The following NMNAT3 variants were observed in gnomAD, a reference collection of about 807,000 sequenced individuals.
The protein encoded by NMNAT3 is nicotinamide/nicotinic acid mononucleotide adenylyltransferase 3.
A neutral mutation model predicts 24.8 loss-of-function variants in NMNAT3; 21 were observed. That is an observed-to-expected ratio of 0.85 (90% CI 0.60 to 1.22). NMNAT3 has a LOEUF of 1.22. Ranked by LOEUF, NMNAT3 falls within the 50% of genes most tolerant of loss-of-function variation. The pLI, the probability that NMNAT3 is intolerant of heterozygous loss-of-function variation, is 0.00. For synonymous variants in NMNAT3, 136 were observed against 155.2 expected (o/e 0.88, Z 0.92); for missense variants, 387 against 436.6 (o/e 0.89, Z 1.01).
intron 1 of NMNAT3, among the ~76,000 whole-genome samples, chr3:139,665,049 C>T (rs566160858): frequency 1.3e-5 from 2 of 152,286 alleles, no homozygotes; most frequent in South Asian, 4.1e-4. Flanking sequence ...CCACTACCCA[C>T]ACCCTCCTCC....
chr3:139,624,941 T>A (rs2055985458), intron 3 of NMNAT3, among the ~76,000 whole-genome samples: 1 of 152,220 alleles, frequency 6.6e-6, no homozygotes, highest in Non-Finnish European at 1.5e-5. Context: ...AGAAGAGCAT[T>A]AAAATAGCTG....
At chr3:139,655,782 G>A (rs2057220553) in intron 1 of NMNAT3, among the ~76,000 whole-genome samples, 1 of 152,178 alleles carries the variant, frequency 6.6e-6, no homozygotes, top group Non-Finnish European at 1.5e-5. Context: ...CCTTCCAGAT[G>A]GGCACATTTG....
intron 6 of NMNAT3, chr3:139,570,830 C>G (rs1938155941): frequency 6.6e-6 from 1 of 152,650 alleles, no homozygotes; most frequent in Non-Finnish European, 1.5e-5. Context: ...TCTCAGATCT[C>G]AAGCTGCGTG....
intron 2 of NMNAT3, among the ~76,000 whole-genome samples, 151 bp from the exon 4 acceptor site, chr3:139,627,915 G>A (rs192295906): frequency 6.6e-6 from 1 of 152,212 alleles, no homozygotes; most frequent in Non-Finnish European, 1.5e-5. Flanking sequence ...TTGGCCATGG[G>A]CCATGAAGTA....
At chr3:139,668,772 A>C (rs1431904578) in intron 1 of NMNAT3, among the ~76,000 whole-genome samples, 2 of 152,218 alleles carry the variant, frequency 1.3e-5, no homozygotes, top group Non-Finnish European at 2.9e-5. Flanking sequence ...AACTTTGCTG[A>C]GGAGAAATCA....
At chr3:139,563,506 T>C (rs1365639415) in intron 6 of NMNAT3, among the ~76,000 whole-genome samples, 1 of 152,274 alleles carries the variant, frequency 6.6e-6, no homozygotes, top group Admixed American at 6.5e-5. Context: ...AGTTTCAACA[T>C]TGGGTACCGT....
intron 3 of NMNAT3, among the ~76,000 whole-genome samples, chr3:139,596,964 A>ATTTTTT (rs3028156): frequency 1.2e-4 from 13 of 108,534 alleles, no homozygotes; most frequent in Non-Finnish European, 2.0e-4. Flanking sequence ...ATATATATAT[A>ATTTTTT]TTTTTATTAC....
chr3:139,650,866 T>C (rs978156642), intron 1 of NMNAT3, among the ~76,000 whole-genome samples: 1 of 152,186 alleles, frequency 6.6e-6, no homozygotes, highest in Non-Finnish European at 1.5e-5. Context: ...AAGGGAGAAG[T>C]ATTTATCTTT....
chr3:139,661,228 G>A (rs2057406145), intron 1 of NMNAT3, among the ~76,000 whole-genome samples: 1 of 152,202 alleles, frequency 6.6e-6, no homozygotes, highest in African/African-American at 2.4e-5. Context: ...CTGGTGATAA[G>A]GCTTTCTTGG....
chr3:139,569,171 C>T (rs1289973132), intron 6 of NMNAT3: 2 of 61,474 alleles, frequency 3.3e-5, no homozygotes, highest in African/African-American at 7.8e-5. Flanking sequence ...CAACCCCTGC[C>T]TTTTTTTGTT....
chr3:139,566,429 T>C (rs1937229813), intron 6 of NMNAT3: 1 of 152,250 alleles, frequency 6.6e-6, no homozygotes, highest in Admixed American at 6.5e-5. Context: ...AGACATGAAG[T>C]CCTTGCCCAT....
At chr3:139,652,850 T>G (rs1244678572) in intron 1 of NMNAT3, among the ~76,000 whole-genome samples, 1 of 152,136 alleles carries the variant, frequency 6.6e-6, no homozygotes, top group Non-Finnish European at 1.5e-5. Flanking sequence ...CAGCTCTGCC[T>G]CTGTGAGAGC....
chr3:139,631,891 AT>A (rs1232160189), intron 2 of NMNAT3, among the ~76,000 whole-genome samples: 1 of 152,014 alleles, frequency 6.6e-6, no homozygotes, highest in Admixed American at 6.6e-5. Context: ...GAGAACTGTC[AT>A]TTTTTTAATG....
At chr3:139,567,398 T>C (rs1418845532) in intron 6 of NMNAT3, 1 of 152,164 alleles carries the variant, frequency 6.6e-6, no homozygotes, top group Non-Finnish European at 1.5e-5. Flanking sequence ...AACACTATGT[T>C]GAATAGGAGT....
At chr3:139,654,762 A>G (rs943821673) in intron 1 of NMNAT3, among the ~76,000 whole-genome samples, 1 of 152,256 alleles carries the variant, frequency 6.6e-6, no homozygotes, top group Admixed American at 6.5e-5. Context: ...TCAAAGACAA[A>G]CTTTAAAATG....
intron 4 of NMNAT3, among the ~76,000 whole-genome samples, chr3:139,579,702 G>C (rs183688890): frequency 6.6e-4 from 100 of 152,294 alleles, no homozygotes; most frequent in African/African-American, 2.3e-3. Context: ...TCTGGGGAGA[G>C]AGAAATTTTT....
At chr3:139,583,323 A>G (rs566510152) in intron 3 of NMNAT3, 31 of 1,391,880 alleles carry the variant, frequency 2.2e-5, no homozygotes, top group Admixed American at 3.4e-5. Flanking sequence ...TCAATCTTCA[A>G]TGGAAGTTTC....
rs1267348178 is a variant in NMNAT3, at chr3:139,677,954, C to A, written c.-390G>T. ...ACTTGACCTTGCGCTCCCTTAGCGGCCCCGGGCAGATGGAGTCTGAGGGAA... is the reference window on the plus strand; with the variant it reads ...ACTTGACCTTGCGCTCCCTTAGCGGACCCGGGCAGATGGAGTCTGAGGGAA... On this transcript the variant is annotated 5_prime_UTR_variant, in exon 1 of 7. Coordinates refer to ENST00000643695, the MANE Select transcript of NMNAT3 (RefSeq NM_001320510.2). The A allele has an allele frequency of 1.3e-5, 2 of 152,148 alleles. No individual in the cohort carries two copies. The highest frequency in any genetic ancestry group is 2.9e-5 in the Non-Finnish European group (2 of 68,116). 9.4% of individuals were successfully genotyped at this position (152,148 alleles called of 1,614,324 possible).
At chr3:139,671,313 T>C (rs1414704087) in intron 1 of NMNAT3, among the ~76,000 whole-genome samples, 1 of 152,210 alleles carries the variant, frequency 6.6e-6, no homozygotes, top group African/African-American at 2.4e-5. Context: ...TTCATATTTC[T>C]AAGTACTACA....
Sources: gnomAD v4.1 joint callset for allele counts (sites outside exome capture counted in the v4.1 genomes callset) on GRCh38, gnomAD v4.1.1 for gene constraint, MANE v1.5 for transcripts, NCBI Gene and HGNC (gene_info 2026-07-23, HGNC 2026-07-21) for gene names.